The following CSMD3 variants were observed in gnomAD, a reference collection of about 807,000 sequenced individuals.
CSMD3 encodes CUB and Sushi multiple domains 3.
CSMD3 carries 177 observed loss-of-function variants against 435.2 expected under a neutral mutation model. The observed-to-expected ratio is 0.41, with a 90% CI of 0.36 to 0.46. The LOEUF (loss-of-function observed/expected upper bound fraction) is 0.46, where lower values mean the gene tolerates loss of function less well. Ranked by LOEUF, CSMD3 falls within the 20% of genes least tolerant of loss-of-function variation. The pLI, the probability that CSMD3 is intolerant of heterozygous loss-of-function variation, is 0.34. For synonymous variants in CSMD3, 1,656 were observed against 1,520.5 expected, an observed-to-expected ratio of 1.09 and a Z score of -2.07; for missense variants, 4,265 against 4,504.6, an observed-to-expected ratio of 0.95 and a Z score of 1.52.
intron 31 of CSMD3, among the ~76,000 whole-genome samples, chr8:112,486,086 A>AT (rs1229335384): frequency 6.6e-6 from 1 of 151,426 alleles, no homozygotes; most frequent in African/African-American, 2.4e-5. Flanking sequence ...AAATACAAAA[A>AT]TGCATTTAAG....
intron 4 of CSMD3, among the ~76,000 whole-genome samples, chr8:113,129,039 T>A (rs577568964): frequency 1.3e-5 from 2 of 152,204 alleles, no homozygotes; most frequent in East Asian, 3.9e-4. Context: ...AAGTAATCAG[T>A]AGAGGTTTTA....
chr8:113,422,106 C>T (rs994151448), intron 1 of CSMD3, among the ~76,000 whole-genome samples: 1 of 152,140 alleles, frequency 6.6e-6, no homozygotes, highest in Non-Finnish European at 1.5e-5. Flanking sequence ...CCACTGTCCC[C>T]CTTCTCATTT....
At chr8:112,929,203 G>A (rs2083015791) in intron 9 of CSMD3, among the ~76,000 whole-genome samples, 1 of 132,642 alleles carries the variant, frequency 7.5e-6, no homozygotes, top group Non-Finnish European at 1.6e-5. Flanking sequence ...TGTCAGATGA[G>A]TAGGTTGCGA....
chr8:113,288,909 G>A (rs1264882680), intron 2 of CSMD3, among the ~76,000 whole-genome samples: 1 of 151,768 alleles, frequency 6.6e-6, no homozygotes, highest in Non-Finnish European at 1.5e-5. Context: ...GCTTGTAAAA[G>A]CTTACCACAG....
chr8:113,221,450 T>C (rs1011509329), intron 3 of CSMD3, among the ~76,000 whole-genome samples: 2 of 150,570 alleles, frequency 1.3e-5, no homozygotes, highest in Non-Finnish European at 3.0e-5. Flanking sequence ...TCAATCTGAG[T>C]AAAGGCTACA....
intron 23 of CSMD3, among the ~76,000 whole-genome samples, chr8:112,584,853 T>C (rs1397322276): frequency 6.6e-6 from 1 of 151,780 alleles, no homozygotes; most frequent in Non-Finnish European, 1.5e-5. Flanking sequence ...TATTGTAAAG[T>C]ACTGGAGATG....
intron 10 of CSMD3, among the ~76,000 whole-genome samples, chr8:112,911,121 C>A (rs1587648833): frequency 6.6e-6 from 1 of 151,906 alleles, no homozygotes; most frequent in African/African-American, 2.4e-5. Flanking sequence ...ATTTTCTTAT[C>A]ATTCACTTAA....
intron 13 of CSMD3, among the ~76,000 whole-genome samples, chr8:112,758,843 T>C (rs1231911002): frequency 6.6e-6 from 1 of 152,164 alleles, no homozygotes; most frequent in Non-Finnish European, 1.5e-5. Context: ...GGGGATGGTA[T>C]TTATTTTATT....
At chr8:112,894,849 TG>T (rs1040439511) in intron 10 of CSMD3, among the ~76,000 whole-genome samples, 5 of 150,426 alleles carry the variant, frequency 3.3e-5, no homozygotes, top group Admixed American at 2.7e-4. Context: ...TAAAGAGAAT[TG>T]AAAAAAAAAC....
intron 11 of CSMD3, among the ~76,000 whole-genome samples, chr8:112,839,356 GA>G (rs1485437501): frequency 6.6e-6 from 1 of 151,732 alleles, no homozygotes; most frequent in Non-Finnish European, 1.5e-5. Flanking sequence ...ATGTTTCACT[GA>G]AGGGAAGAAG....
At chr8:112,987,550 C>G (rs1014450448) in intron 6 of CSMD3, among the ~76,000 whole-genome samples, 1 of 152,068 alleles carries the variant, frequency 6.6e-6, no homozygotes, top group Non-Finnish European at 1.5e-5. Context: ...AAGCGCAGAG[C>G]TGCTTCAAAA....
intron 28 of CSMD3, among the ~76,000 whole-genome samples, chr8:112,507,428 A>T (rs1822647670): frequency 6.6e-6 from 1 of 152,182 alleles, no homozygotes; most frequent in South Asian, 2.1e-4. Context: ...CATTACACAG[A>T]AATTGACATC....
intron 38 of CSMD3, among the ~76,000 whole-genome samples, chr8:112,370,394 T>C (rs1194496132): frequency 6.6e-6 from 1 of 152,234 alleles, no homozygotes. Flanking sequence ...TAATACCTTG[T>C]AAATCAGAGC....
rs116421719 is a variant in CSMD3 at position 113,185,039 on chromosome 8, C to T, written c.515-11123G>A. Among the ~76,000 whole-genome samples, 1,261 of 152,106 alleles carry T rather than the reference C, an allele frequency of 8.3e-3. 17 individuals are homozygous for T. The highest frequency in any genetic ancestry group is 0.028 in the African/African-American group (1,182 of 41,502). On this transcript the variant is annotated intron_variant, in intron 3 of 70. Coordinates refer to ENST00000297405, the MANE Select transcript of CSMD3 (RefSeq NM_198123.2). ...CACTAGTGGGTAGCACGTGCTTCCC[C>T]AGCAGTTCATTCCAACACTTACTTA... is the stretch of plus-strand genomic sequence containing the variant.
In CSMD3 at chr8:112,281,335, T is replaced by G. The variant is rs1162895787; in HGVS notation, c.9347A>C (p.Asn3116Thr). Residue 3116 changes from asparagine to threonine, a missense_variant, in exon 59 of 71, where the codon AAC becomes ACC. Asn to Thr is a moderately conservative substitution (Grantham distance 65, BLOSUM62 0). Around this residue, in one of 3 missense-constraint regions of CSMD3, gnomAD observed 3,255 missense variants for 3,380.2 expected, o/e 0.96. Transcript: ENST00000297405. The stretch of plus-strand genomic sequence containing the variant: ...TTTCCCATTGGCTGTGGTTCCTGGG[T>G]TACCACACTGCACAGCTATAAAACA... The part of the protein sequence containing the change: ...QPECKAVQCG[N>T]PGTTANGKVF... 4 of 1,612,388 alleles carry G rather than the reference T, an allele frequency of 2.5e-6. No homozygotes were observed. Among genetic ancestry groups the G allele is most frequent in the Non-Finnish European group, 3.4e-6 (4 of 1,178,804 alleles).
At chr8:112,880,320 A>G (rs2081411755) in intron 10 of CSMD3, among the ~76,000 whole-genome samples, 1 of 152,078 alleles carries the variant, frequency 6.6e-6, no homozygotes, top group South Asian at 2.1e-4. Flanking sequence ...CAAAAAGAAT[A>G]AGGTGGGATC....
intron 27 of CSMD3, among the ~76,000 whole-genome samples, chr8:112,527,370 CA>C (rs546396543): frequency 3.8e-4 from 58 of 150,682 alleles, no homozygotes; most frequent in African/African-American, 1.2e-3. Flanking sequence ...AAAAAAGGGT[CA>C]AAAAAAACCC....
intron 45 of CSMD3, among the ~76,000 whole-genome samples, chr8:112,322,658 C>T (rs1823108835): frequency 6.6e-6 from 1 of 152,026 alleles, no homozygotes; most frequent in Non-Finnish European, 1.5e-5. Context: ...ATTCCCAATT[C>T]TATATTGCCA....
At chr8:112,438,132 A>C (rs1270288169) in intron 32 of CSMD3, among the ~76,000 whole-genome samples, 1 of 152,168 alleles carries the variant, frequency 6.6e-6, no homozygotes, top group East Asian at 1.9e-4. Context: ...TGCCTTTTTC[A>C]TTCCATTCAC....
Sources: allele counts gnomAD v4.1 joint callset (sites outside exome capture counted in the v4.1 genomes callset), GRCh38; gene constraint gnomAD v4.1.1; regional missense constraint gnomAD v4.1.1; transcripts MANE v1.5; gene names NCBI Gene and HGNC (gene_info 2026-07-23, HGNC 2026-07-21).